Variants in EYA4 observed in about 807,000 individuals in gnomAD.
The protein encoded by EYA4 is protein phosphatase EYA4.
EYA4 carries 31 observed loss-of-function variants against 87.9 expected under a neutral mutation model. That is an observed-to-expected ratio of 0.35 (90% CI 0.27 to 0.48). The LOEUF is 0.48. EYA4 is among the 20% of genes least tolerant of loss of function. The probability of loss-of-function intolerance (pLI) is 0.99; values close to 1 mark genes in which losing one functional copy is unlikely to be tolerated. For synonymous variants in EYA4, 263 were observed against 270.6 expected (o/e 0.97, Z 0.28); for missense variants, 678 against 761.4 (o/e 0.89, Z 1.29).
intron 3 of EYA4, among the ~76,000 whole-genome samples, chr6:133,393,232 T>C (rs1787455318): frequency 6.6e-6 from 1 of 152,086 alleles, no homozygotes; most frequent in African/African-American, 2.4e-5. Context: ...TAGATGGTAA[T>C]AGAAAGGGGG....
At chr6:133,494,470 A>G (rs566896893) in intron 13 of EYA4, among the ~76,000 whole-genome samples, 2 of 149,410 alleles carry the variant, frequency 1.3e-5, no homozygotes, top group South Asian at 4.2e-4. Flanking sequence ...ATAGTTAGAC[A>G]GAATGAATAA....
intron 2 of EYA4, among the ~76,000 whole-genome samples, chr6:133,310,239 C>T (rs1168697458): frequency 4.6e-5 from 7 of 152,116 alleles, no homozygotes; most frequent in Non-Finnish European, 1.0e-4. Context: ...GGTTGGTGAA[C>T]AGGAGGAGAT....
intron 2 of EYA4, among the ~76,000 whole-genome samples, chr6:133,323,212 G>A (rs533339480): frequency 5.3e-5 from 8 of 151,942 alleles, no homozygotes; most frequent in African/African-American, 1.9e-4. Flanking sequence ...TTTAGAATAA[G>A]CTCTTGCCAT....
intron 3 of EYA4, among the ~76,000 whole-genome samples, chr6:133,408,813 CA>C (rs1305008716): frequency 6.6e-6 from 1 of 152,170 alleles, no homozygotes; most frequent in East Asian, 1.9e-4. Context: ...AATATGTTCT[CA>C]TTTGTGTATG....
At chr6:133,337,827 A>G (rs1024331254) in intron 2 of EYA4, among the ~76,000 whole-genome samples, 2 of 152,066 alleles carry the variant, frequency 1.3e-5, no homozygotes, top group Non-Finnish European at 2.9e-5. Context: ...ATTTGTTCAG[A>G]TATCCACAAA....
intron 2 of EYA4, among the ~76,000 whole-genome samples, chr6:133,369,165 G>C (rs2128460592): frequency 6.6e-6 from 1 of 152,262 alleles, no homozygotes; most frequent in Non-Finnish European, 1.5e-5. Context: ...GATGAGAGAT[G>C]AGTTGGAAGA....
intron 3 of EYA4, among the ~76,000 whole-genome samples, chr6:133,388,406 C>CAA (rs34444252): frequency 6.6e-4 from 85 of 129,186 alleles, no homozygotes; most frequent in Non-Finnish European, 8.7e-4. Context: ...GACTCGGTCT[C>CAA]AAAAAAAAAA....
chr6:133,301,720 G>T (rs1055952243), intron 2 of EYA4, among the ~76,000 whole-genome samples: 3 of 152,170 alleles, frequency 2.0e-5, no homozygotes, highest in Non-Finnish European at 4.4e-5. Context: ...CTGGGATTTG[G>T]ACCTACCTTC....
chr6:133,317,538 G>A (rs1343800114), intron 2 of EYA4, among the ~76,000 whole-genome samples: 2 of 151,946 alleles, frequency 1.3e-5, no homozygotes, highest in Non-Finnish European at 2.9e-5. Flanking sequence ...ACAATTCTAA[G>A]TTAATATTTA....
chr6:133,324,932 A>G (rs1178529646), intron 2 of EYA4, among the ~76,000 whole-genome samples: 5 of 105,706 alleles, frequency 4.7e-5, no homozygotes, highest in African/African-American at 2.2e-4. Context: ...TTTTTTTGAG[A>G]CAGAGTCTCG....
At chr6:133,430,122 T>C (rs1397178675) in intron 3 of EYA4, among the ~76,000 whole-genome samples, 1 of 152,216 alleles carries the variant, frequency 6.6e-6, no homozygotes, top group Non-Finnish European at 1.5e-5. Context: ...ATGCGGTATT[T>C]GGTTTTCTGT....
At chr6:133,463,984 C>CTT (rs1482759095) in intron 9 of EYA4, among the ~76,000 whole-genome samples, 21 of 150,496 alleles carry the variant, frequency 1.4e-4, no homozygotes, top group African/African-American at 4.6e-4. Context: ...TTCACGAATA[C>CTT]TTTCATACTG....
At chr6:133,481,785 A>C (rs1796240126) in intron 12 of EYA4, among the ~76,000 whole-genome samples, 186 bp downstream of exon 12, 1 of 152,206 alleles carries the variant, frequency 6.6e-6, no homozygotes, top group Non-Finnish European at 1.5e-5. Context: ...TATAATATTA[A>C]AATTAAGAAC....
chr6:133,490,393 CA>C (rs58462211), intron 13 of EYA4, among the ~76,000 whole-genome samples: 1 of 145,832 alleles, frequency 6.9e-6, no homozygotes, highest in African/African-American at 2.5e-5. Context: ...TAAAAAAAAA[CA>C]AAAAAAAACA....
chr6:133,353,264 A>G (rs1376287717), intron 2 of EYA4, among the ~76,000 whole-genome samples: 9 of 152,088 alleles, frequency 5.9e-5, no homozygotes, highest in Admixed American at 5.9e-4. Flanking sequence ...TTGCCAGAGA[A>G]CAGCATTGGC....
chr6:133,374,165 G>A (rs1785489171), intron 2 of EYA4, among the ~76,000 whole-genome samples: 1 of 152,032 alleles, frequency 6.6e-6, no homozygotes, highest in African/African-American at 2.4e-5. Context: ...AAATAATTGT[G>A]CTTTGTTTTT....
intron 18 of EYA4, among the ~76,000 whole-genome samples, chr6:133,523,406 GAAT>G: frequency 6.6e-6 from 1 of 152,132 alleles, no homozygotes; most frequent in East Asian, 1.9e-4. Flanking sequence ...GTATTTCACA[GAAT>G]ATTACAGCCC....
At chr6:133,416,473 T>C (rs1216099751) in intron 3 of EYA4, among the ~76,000 whole-genome samples, 1 of 152,182 alleles carries the variant, frequency 6.6e-6, no homozygotes, top group Admixed American at 6.5e-5. Context: ...TTTGTTTTGT[T>C]TGATCTATTT....
In EYA4 at chr6:133,381,487, TATTC is replaced by T. The variant is rs563136581; in HGVS notation, c.34-903_34-900del. ...TTGCACACATGTTCCTCATGGTATA[TATTC>T]AGTAGAATTTTTTTTTGCTTCCAAA... On this transcript the variant is annotated intron_variant, in intron 2 of 19. Coordinates refer to ENST00000355286, the MANE Select transcript of EYA4 (RefSeq NM_004100.5). Among the ~76,000 whole-genome samples, 9 of 152,282 alleles carry T rather than the reference TATTC, an allele frequency of 5.9e-5. No individual in the cohort carries two copies. The South Asian group carries it at 1.9e-3, about 32-fold the overall frequency.
Sources: allele counts gnomAD v4.1 joint callset (sites outside exome capture counted in the v4.1 genomes callset), GRCh38; gene constraint gnomAD v4.1.1; transcripts MANE v1.5; gene names NCBI Gene and HGNC (gene_info 2026-07-23, HGNC 2026-07-21).